Variants in ZNF365 observed in about 807,000 individuals in gnomAD.
ZNF365 encodes the protein protein ZNF365.
Under a neutral mutation model 35.0 loss-of-function variants are expected in ZNF365, and 22 were observed. That is an observed-to-expected ratio of 0.63 (90% CI 0.45 to 0.90). The LOEUF is 0.90. ZNF365 is among the 40% of genes least tolerant of loss of function. The probability of loss-of-function intolerance (pLI) is 0.00; values close to 1 mark genes in which losing one functional copy is unlikely to be tolerated. For synonymous variants in ZNF365, 188 were observed against 196.2 expected (o/e 0.96, Z 0.35); for missense variants, 448 against 500.3 (o/e 0.90, Z 1.00).
chr10:62,478,599 A>G lies in ZNF365; in HGVS notation c.982-1277A>G, dbSNP rs150774464. ...TTTGTTGTTTGTTTTTTTGAGACGG[A>G]GTCTCGCTCTGTCACCCAGGCTGGA... On this transcript the variant is annotated intron_variant, in intron 4 of 4. Transcript: ENST00000395255. Among the ~76,000 whole-genome samples, 32 of 152,306 alleles carry G rather than the reference A, an allele frequency of 2.1e-4. No individual in the cohort carries two copies. The East Asian group carries it at 6.0e-3, about 28-fold the overall frequency.
At chr10:62,429,018 G>A (rs571832730) in intron 3 of ZNF365, among the ~76,000 whole-genome samples, 1 of 152,306 alleles carries the variant, frequency 6.6e-6, no homozygotes, top group South Asian at 2.1e-4. Flanking sequence ...CTCGCTAGCT[G>A]ATGGGAGCTG....
intron 3 of ZNF365, among the ~76,000 whole-genome samples, chr10:62,448,751 A>C (rs1481816980): frequency 2.0e-5 from 3 of 152,188 alleles, no homozygotes; most frequent in Non-Finnish European, 2.9e-5. Context: ...CCTAGGTCCT[A>C]GCTATGGATC....
At chr10:62,380,990 G>C (rs538745398) in intron 2 of ZNF365, among the ~76,000 whole-genome samples, 3 of 152,074 alleles carry the variant, frequency 2.0e-5, no homozygotes, top group Non-Finnish European at 4.4e-5. Flanking sequence ...TGAGGTGTGT[G>C]GGGGGGAACA....
At chr10:62,392,009 G>A (rs1022659524) in intron 3 of ZNF365, among the ~76,000 whole-genome samples, 6 of 152,138 alleles carry the variant, frequency 3.9e-5, no homozygotes, top group Admixed American at 2.0e-4. Flanking sequence ...TAGTAATGTC[G>A]AGCATTTTTT....
intron 4 of ZNF365, among the ~76,000 whole-genome samples, chr10:62,399,239 T>G (rs1257194749): frequency 1.3e-5 from 2 of 152,206 alleles, no homozygotes; most frequent in East Asian, 3.8e-4. Context: ...ATAGACCAAC[T>G]GTCTGTATTA....
chr10:62,385,350 C>T (rs140837714), intron 2 of ZNF365, among the ~76,000 whole-genome samples: 64 of 151,944 alleles, frequency 4.2e-4, no homozygotes, highest in Middle Eastern at 6.8e-3. Flanking sequence ...ATTCCAGGAG[C>T]GTATTAAAAT....
intron 3 of ZNF365, among the ~76,000 whole-genome samples, chr10:62,398,059 G>A (rs1839761104): frequency 2.0e-5 from 3 of 152,100 alleles, no homozygotes; most frequent in Non-Finnish European, 4.4e-5. Flanking sequence ...ATAACTAAAA[G>A]TAGAACTACT....
At chr10:62,375,038 G>A (rs977485624) in intron 1 of ZNF365, among the ~76,000 whole-genome samples, 6 of 152,180 alleles carry the variant, frequency 3.9e-5, no homozygotes, top group Non-Finnish European at 5.9e-5. Context: ...GGGACCATTT[G>A]CACCTCTGCT....
chr10:62,462,253 A>G (rs1840860004), intron 4 of ZNF365, among the ~76,000 whole-genome samples: 1 of 152,128 alleles, frequency 6.6e-6, no homozygotes, highest in Non-Finnish European at 1.5e-5. Flanking sequence ...TGCTCTCCTT[A>G]TGTTTTACAC....
intron 3 of ZNF365, among the ~76,000 whole-genome samples, chr10:62,431,331 T>C (rs1038157353): frequency 6.6e-6 from 1 of 152,228 alleles, no homozygotes; most frequent in African/African-American, 2.4e-5. Context: ...AACAAAGTTA[T>C]GTGTATATAA....
At chr10:62,453,739 A>AT (rs540105776) in intron 3 of ZNF365, among the ~76,000 whole-genome samples, 5 of 152,206 alleles carry the variant, frequency 3.3e-5, no homozygotes, top group African/African-American at 9.6e-5. Context: ...ACTTCTATAG[A>AT]TTTTTTTCTC....
At chr10:62,452,395 T>C (rs1236127279) in intron 3 of ZNF365, among the ~76,000 whole-genome samples, 1 of 152,170 alleles carries the variant, frequency 6.6e-6, no homozygotes, top group Non-Finnish European at 1.5e-5. Context: ...CCCAGAATAA[T>C]GACCGCACAT....
intron 3 of ZNF365, among the ~76,000 whole-genome samples, chr10:62,456,048 T>C (rs1372623784): frequency 6.6e-6 from 1 of 152,214 alleles, no homozygotes; most frequent in Non-Finnish European, 1.5e-5. Flanking sequence ...GCTGCGGTGA[T>C]GGTGATGGAC....
chr10:62,450,064 G>A (rs1840654074), intron 3 of ZNF365, among the ~76,000 whole-genome samples: 1 of 151,856 alleles, frequency 6.6e-6, no homozygotes, highest in Non-Finnish European at 1.5e-5. Context: ...CTTGATCCAG[G>A]AGCTCAAGAC....
At chr10:62,389,258 AC>A (rs942562234) in intron 3 of ZNF365, among the ~76,000 whole-genome samples, 21 of 104,042 alleles carry the variant, frequency 2.0e-4, no homozygotes, top group Non-Finnish European at 3.5e-4. Context: ...GGTACAAATA[AC>A]CATACTCTAG....
At chr10:62,480,231 T>C in exon 5 of ZNF365, 1 of 1,044,514 alleles carries the variant, frequency 9.6e-7, no homozygotes, top group South Asian at 4.3e-5. Context: ...ATATTCTATT[T>C]AGCTTGGGAC....
In ZNF365 at chr10:62,376,888, T is replaced by G. The variant is rs537141489; in HGVS notation, c.695T>G (p.Leu232Arg). Residue 232 changes from leucine to arginine, a missense_variant, in exon 2 of 5, where the codon CTG becomes CGG. By Grantham distance (102) the Leu-to-Arg change is moderately radical (BLOSUM62 -2). Around this residue, in one of 3 missense-constraint regions of ZNF365, gnomAD observed 362 missense variants for 375.7 expected, o/e 0.96. Transcript: ENST00000395254. The stretch of plus-strand genomic sequence containing the variant: ...GTGGCCGTGGAAATGATAGCTGTAC[T>G]GAGGCAACGCCTGACGGAATCTGAG... ...VDVAVEMIAV[L>R]RQRLTESEEE... is the part of the protein sequence containing the mutation. 1 of 1,614,000 alleles carries G rather than the reference T, an allele frequency of 6.2e-7. No homozygotes were observed. The highest frequency in any genetic ancestry group is 8.5e-7 in the Non-Finnish European group (1 of 1,180,018).
At chr10:62,470,857 T>C (rs185040696) in intron 4 of ZNF365, among the ~76,000 whole-genome samples, 4 of 152,320 alleles carry the variant, frequency 2.6e-5, no homozygotes, top group Admixed American at 1.3e-4. Context: ...TTTACTGTTT[T>C]TTAATGTGTT....
intron 1 of ZNF365, among the ~76,000 whole-genome samples, chr10:62,375,298 T>C (rs565977329): frequency 6.6e-6 from 1 of 152,270 alleles, no homozygotes; most frequent in South Asian, 2.1e-4. Flanking sequence ...TGACCATCCC[T>C]AGAGGTTGTC....
Sources: allele counts gnomAD v4.1 joint callset (sites outside exome capture counted in the v4.1 genomes callset), GRCh38; gene constraint gnomAD v4.1.1; regional missense constraint gnomAD v4.1.1; transcripts MANE v1.5; gene names NCBI Gene and HGNC (gene_info 2026-07-23, HGNC 2026-07-21).